ZNF776: variants seen among roughly 807,000 people sequenced by gnomAD.
ZNF776 encodes zinc finger protein 776.
Under a neutral mutation model 7.0 loss-of-function variants are expected in ZNF776, and 4 were observed. That is an observed-to-expected ratio of 0.57 (90% CI 0.28 to 1.31). The LOEUF is 1.31. Ranked by LOEUF, ZNF776 falls within the 50% of genes most tolerant of loss-of-function variation. The probability of loss-of-function intolerance (pLI) is 0.10; values close to 1 mark genes in which losing one functional copy is unlikely to be tolerated. For missense variants in ZNF776, 555 were observed against 625.9 expected (o/e 0.89, Z 1.21); for synonymous variants, 212 against 213.7 (o/e 0.99, Z 0.07).
chr19:57,747,166 C>T, intron 1 of ZNF776, 75 bp downstream of exon 1: 2 of 1,490,792 alleles, frequency 1.3e-6, no homozygotes, highest in Non-Finnish European at 9.1e-7. Flanking sequence ...GAAGCGGCGC[C>T]TGCTCAAGGT....
intron 1 of ZNF776, among the ~76,000 whole-genome samples, chr19:57,747,720 G>A (rs1986479268): frequency 6.6e-6 from 1 of 152,260 alleles, no homozygotes; most frequent in East Asian, 1.9e-4. Flanking sequence ...TCTCCTCTCA[G>A]GAACTCCTGG....
intron 2 of ZNF776, among the ~76,000 whole-genome samples, chr19:57,751,940 C>T (rs188679947): frequency 1.5e-3 from 190 of 128,728 alleles, no homozygotes; most frequent in African/African-American, 4.6e-3. Flanking sequence ...GGCCCAATCT[C>T]GGCTCACTGC....
intron 1 of ZNF776, among the ~76,000 whole-genome samples, chr19:57,750,098 C>T (rs541967126): frequency 2.2e-4 from 33 of 151,804 alleles, no homozygotes; most frequent in Non-Finnish European, 3.7e-4. Context: ...GTGGGGGTGG[C>T]CATGGGCATG....
chr19:57,754,191 G>T lies in ZNF776; in HGVS notation c.1061G>T (p.Gly354Val). 6.2e-7 allele frequency: 1 copy of T among 1,613,802 alleles called. No individual in the cohort carries two copies. Among genetic ancestry groups the T allele is most frequent in the Admixed American group, 1.7e-5 (1 of 59,988 alleles). ...GERPYQCGEC[G>V]KSFNHKCNLI... ...AGACCTTATCAGTGTGGAGAATGTGGGAAATCGTTTAATCACAAGTGCAAC... is the reference window on the plus strand; with the variant it reads ...AGACCTTATCAGTGTGGAGAATGTGTGAAATCGTTTAATCACAAGTGCAAC... The change falls in exon 3 of 3, where the codon GGG becomes GTG. Residue 354 changes from glycine (G) to valine (V), a missense_variant. Transcript: ENST00000317178.
rs1986732107 is a variant in ZNF776 at position 57,754,905 on chromosome 19, G to A, written c.*218G>A. On this transcript the variant is annotated 3_prime_UTR_variant, in exon 3 of 3. Transcript: ENST00000317178. ...GTTTTGCCTCACCAAATACCAGAAG[G>A]GTCACACTGGAGAAAGACCCTATAG... 2 of 574,048 alleles carry A rather than the reference G, an allele frequency of 3.5e-6. No individual in the cohort carries two copies. The highest frequency in any genetic ancestry group is 3.2e-5 in the Admixed American group (1 of 31,626). 35.6% of individuals were successfully genotyped at this position (574,048 alleles called of 1,614,324 possible). A position where few individuals can be genotyped will look rare whatever the true frequency, so the allele number is the denominator to read the frequency against.
Position 57,755,754 on chromosome 19 carries a change from T to G in ZNF776, c.*1067T>G, listed in dbSNP as rs1480356182. The stretch of plus-strand genomic sequence containing the variant: ...TGTCCTTGCCAGATTTATTTCATTC[T>G]TAGGTCTCTGGCAAAAGCCATTTCA... On this transcript the variant is annotated 3_prime_UTR_variant, in exon 3 of 3. Coordinates refer to ENST00000317178, the MANE Select transcript of ZNF776 (RefSeq NM_173632.4). The G allele has an allele frequency of 1.3e-5, 2 of 152,242 alleles. No homozygotes were observed. Among genetic ancestry groups the G allele is most frequent in the Non-Finnish European group, 2.9e-5 (2 of 68,044 alleles). The allele number at this position is 152,242 out of a possible 1,614,324, so 9.4% of individuals were successfully genotyped here.
At position 57,753,358 on chromosome 19, in the gene ZNF776, A is replaced by G; in HGVS notation, c.228A>G (p.Pro76=). The change falls in exon 3 of 3, where the codon CCA becomes CCG. Residue 76 remains proline (P), a synonymous_variant. Transcript: ENST00000317178. ...CCCTTTCTATACAACAGGAGTCCCC[A>G]CTCAGGACACATTGGACAGGTGTAT... The part of the protein sequence containing the change: ...KQTLSIQQES[P]LRTHWTGVCT... The G allele has an allele frequency of 1.2e-6, 2 of 1,614,232 alleles. No individual in the cohort carries two copies. The highest frequency in any genetic ancestry group is 1.7e-6 in the Non-Finnish European group (2 of 1,180,046).
intron 1 of ZNF776, among the ~76,000 whole-genome samples, chr19:57,750,391 C>T (rs984323074): frequency 6.7e-6 from 1 of 148,990 alleles, no homozygotes; most frequent in African/African-American, 2.5e-5. Context: ...GAGATTATGT[C>T]ATTGCACTCC....
rs561800300 is a variant in ZNF776 at position 57,750,853 on chromosome 19, T to C, written c.102T>C (p.Ala34=). 2 of 1,613,450 alleles carry C rather than the reference T, an allele frequency of 1.2e-6. No homozygotes were observed. Among genetic ancestry groups the C allele is most frequent in the East Asian group, 2.2e-5 (1 of 44,856 alleles). ...SQEEWSLLSE[A]QRCLYHDVML... is the part of the protein sequence containing the mutation. ...AGGAATGGAGTCTCCTTAGTGAGGCTCAGAGATGCCTTTATCATGACGTGA... is the reference window on the plus strand; with the variant it reads ...AGGAATGGAGTCTCCTTAGTGAGGCCCAGAGATGCCTTTATCATGACGTGA... Residue 34 remains alanine, a synonymous_variant, in exon 2 of 3, where the codon GCT becomes GCC. Transcript: ENST00000317178.
chr19:57,746,919 C>CG lies in ZNF776; in HGVS notation c.-140_-139insG. On this transcript the variant is annotated 5_prime_UTR_variant, in exon 1 of 3. Transcript: ENST00000317178. ...CCAGAAGGTGGAGACGAGACGTTGT[C>CG]CCGACTGCACAGAGGCTGCTCTGCA... 3 of 788,824 alleles carry CG rather than the reference C, an allele frequency of 3.8e-6. No homozygotes were observed. The highest frequency in any genetic ancestry group is 4.1e-5 in the South Asian group (2 of 48,322). The allele number at this position is 788,824 out of a possible 1,614,324, so 48.9% of individuals were successfully genotyped here.
chr19:57,754,556 A>G lies in ZNF776; in HGVS notation c.1426A>G (p.Ile476Val). Residue 476 changes from isoleucine to valine, a missense_variant, in exon 3 of 3, where the codon ATT becomes GTT. Coordinates refer to ENST00000317178, the MANE Select transcript of ZNF776 (RefSeq NM_173632.4). ...ATGTTTTCATCAAAAGGGCAGTCTC[A>G]TTCGACATCAGCAGATTCACTCTGG... ...GKCFHQKGSL[I>V]RHQQIHSGER... 1 of 1,614,176 alleles carries G rather than the reference A, an allele frequency of 6.2e-7. No homozygotes were observed. The highest frequency in any genetic ancestry group is 8.5e-7 in the Non-Finnish European group (1 of 1,180,008).
Position 57,746,972 on chromosome 19 carries a change from G to A in ZNF776, c.-87G>A. ...TCCTTAAAGGCGCTAGGCGTGACCC[G>A]CACCAAGGCCGGGATCGGGACCACC... On this transcript the variant is annotated 5_prime_UTR_variant, in exon 1 of 3. Coordinates refer to ENST00000317178, the MANE Select transcript of ZNF776 (RefSeq NM_173632.4). 5 of 1,388,240 alleles carry A rather than the reference G, an allele frequency of 3.6e-6. No homozygotes were observed. The South Asian group carries it at 6.8e-5, about 19-fold the overall frequency. The allele number at this position is 1,388,240 out of a possible 1,614,324, so 86.0% of individuals were successfully genotyped here. A position where few individuals can be genotyped will look rare whatever the true frequency, so the allele number is the denominator to read the frequency against.
In ZNF776 at chr19:57,753,720, A is replaced by G. The variant is rs533725012; in HGVS notation, c.590A>G (p.His197Arg). 1.7e-5 allele frequency: 28 copies of G among 1,614,230 alleles called. No individual in the cohort carries two copies. In the South Asian group the frequency reaches 2.5e-4, roughly 15 times the overall value. ...TSGKSNFETK[H>R]GIPLQGGKTH... is the part of the protein sequence containing the mutation. ...GGGAAGTCAAACTTTGAAACTAAGC[A>G]TGGGATACCCCTTCAGGGTGGAAAA... Residue 197 changes from histidine to arginine, a missense_variant, in exon 3 of 3, where the codon CAT becomes CGT. By Grantham distance (29) the His-to-Arg change is conservative (BLOSUM62 0). Coordinates refer to ENST00000317178, the MANE Select transcript of ZNF776 (RefSeq NM_173632.4).
rs1337223428 is a variant in ZNF776, at chr19:57,756,987, A to C, written c.*2300A>C. ...CCTGCCTCAGCCTCCCGAGTACCTG[A>C]GATTAGCCCAGGTAATTTAAGAATT... On this transcript the variant is annotated 3_prime_UTR_variant, in exon 3 of 3. Coordinates refer to ENST00000317178, the MANE Select transcript of ZNF776 (RefSeq NM_173632.4). 5.4e-6 allele frequency: 2 copies of C among 368,808 alleles called. No homozygotes were observed. Among genetic ancestry groups the C allele is most frequent in the Non-Finnish European group, 1.1e-5 (2 of 187,704 alleles). The allele number at this position is 368,808 out of a possible 1,614,324, so 22.8% of individuals were successfully genotyped here.
chr19:57,748,522 G>T (rs531700997), intron 1 of ZNF776, among the ~76,000 whole-genome samples: 1 of 152,150 alleles, frequency 6.6e-6, no homozygotes, highest in East Asian at 1.9e-4. Flanking sequence ...GTATGCTATG[G>T]TGAGTGAGCC....
rs1986685991 is a variant in ZNF776, at chr19:57,753,854, G to T, written c.724G>T (p.Gly242Trp). Residue 242 changes from glycine to tryptophan, a missense_variant, in exon 3 of 3, where the codon GGG becomes TGG. Transcript: ENST00000317178. ...AGGACCTTATGTATGCAGTGATTCT[G>T]GGAAATTCACTAGCAAAAGTAATAG... Reference protein sequence around the residue: ...REGPYVCSDSGKFTSKSNSFN... With the variant: ...REGPYVCSDSWKFTSKSNSFN... 3 of 1,614,070 alleles carry T rather than the reference G, an allele frequency of 1.9e-6. No individual in the cohort carries two copies. Among genetic ancestry groups the T allele is most frequent in the African/African-American group, 2.7e-5 (2 of 74,934 alleles).
intron 2 of ZNF776, among the ~76,000 whole-genome samples, chr19:57,752,532 C>T (rs1313312824): frequency 6.6e-6 from 1 of 152,160 alleles, no homozygotes; most frequent in African/African-American, 2.4e-5. Context: ...AGGGAGGCCA[C>T]CTCTGAGGAG....
Position 57,755,005 on chromosome 19 carries a change from G to A in ZNF776, c.*318G>A, listed in dbSNP as rs1011697215. On this transcript the variant is annotated 3_prime_UTR_variant, in exon 3 of 3. Coordinates refer to ENST00000317178, the MANE Select transcript of ZNF776 (RefSeq NM_173632.4). ...CACTACTGAGTTCACAGTTGAGAAAGGCCATATGACTGTAAGGAATTTGTA... is the reference window on the plus strand; with the variant it reads ...CACTACTGAGTTCACAGTTGAGAAAAGCCATATGACTGTAAGGAATTTGTA... 5 of 318,966 alleles carry A rather than the reference G, an allele frequency of 1.6e-5. No individual in the cohort carries two copies. The highest frequency in any genetic ancestry group is 1.4e-4 in the Admixed American group (3 of 21,804). 19.8% of individuals were successfully genotyped at this position (318,966 alleles called of 1,614,324 possible). A position where few individuals can be genotyped will look rare whatever the true frequency, so the allele number is the denominator to read the frequency against.
chr19:57,747,422 A>G (rs1972032020), intron 1 of ZNF776, among the ~76,000 whole-genome samples: 1 of 152,154 alleles, frequency 6.6e-6, no homozygotes, highest in South Asian at 2.1e-4. Flanking sequence ...AGAACGCTGG[A>G]AGCCATGGAC....
Sources: gnomAD v4.1 joint callset for allele counts (sites outside exome capture counted in the v4.1 genomes callset) on GRCh38, gnomAD v4.1.1 for gene constraint, MANE v1.5 for transcripts, NCBI Gene and HGNC (gene_info 2026-07-23, HGNC 2026-07-21) for gene names.